The following DHX34 variants were observed in gnomAD, a reference collection of about 807,000 sequenced individuals.
DHX34 encodes the protein DExH-box helicase 34, also known as probable ATP-dependent RNA helicase DHX34.
A neutral mutation model predicts 111.1 loss-of-function variants in DHX34; 96 were observed. That is an observed-to-expected ratio of 0.86 (90% CI 0.73 to 1.02). The LOEUF (loss-of-function observed/expected upper bound fraction) is 1.02, where lower values mean the gene tolerates loss of function less well. Among genes scored for constraint, DHX34 ranks in the 50% least tolerant of loss-of-function variants. DHX34 has a pLI of 0.00. For missense variants in DHX34, 1,560 were observed against 1,579.9 expected (o/e 0.99, Z 0.21); for synonymous variants, 688 against 670.4 (o/e 1.03, Z -0.41).
At position 47,376,091 on chromosome 19, in the gene DHX34, A is replaced by C; in HGVS notation, c.2475A>C (p.Ser825=). 6.4e-7 allele frequency: 1 copy of C among 1,559,704 alleles called. No homozygotes were observed. The highest frequency in any genetic ancestry group is 8.7e-7 in the Non-Finnish European group (1 of 1,154,524). The part of the protein sequence containing the change: ...PDAFNSSRKD[S]DQIFHTQAKQ... ...CCTTCAACAGCAGCCGAAAGGACTC[A>C]GACCAGGTGGGGCCTGTTCTGCCCC... Residue 825 remains serine, a synonymous_variant, in exon 11 of 17, where the codon TCA becomes TCC. Transcript: ENST00000328771.
At chr19:47,379,095 T>C (rs1005718866) in intron 13 of DHX34, among the ~76,000 whole-genome samples, 8 of 151,442 alleles carry the variant, frequency 5.3e-5, no homozygotes, top group East Asian at 3.9e-4. Context: ...CGCCATTGCA[T>C]TCCAGCCTGG....
intron 5 of DHX34, among the ~76,000 whole-genome samples, chr19:47,361,545 G>A (rs1187394300): frequency 4.6e-5 from 7 of 151,972 alleles, no homozygotes; most frequent in African/African-American, 1.4e-4. Context: ...TTGGGAGGCT[G>A]AGGCAGGTGG....
At chr19:47,371,709 T>C (rs2547384) in intron 7 of DHX34, among the ~76,000 whole-genome samples, 56,723 of 151,972 alleles carry the variant, frequency 0.37, 14,871 homozygotes, top group African/African-American at 0.73. Flanking sequence ...AAGTGATTCT[T>C]CTGCCTCAGC....
intron 13 of DHX34, among the ~76,000 whole-genome samples, chr19:47,378,543 T>G (rs187270616): frequency 3.1e-4 from 47 of 152,246 alleles, no homozygotes; most frequent in Admixed American, 2.7e-3. Context: ...CTGGACTGCT[T>G]GTTGAGAGAA....
Position 47,380,971 on chromosome 19 carries a change from C to T in DHX34, c.3138C>T (p.Phe1046=). The T allele has an allele frequency of 6.3e-7, 1 of 1,588,592 alleles. No homozygotes were observed. The highest frequency in any genetic ancestry group is 1.1e-5 in the South Asian group (1 of 87,354). Reference sequence around the variant, plus strand: ...AGGGGGGCTACGCAGTCACTGACTTCCTCACCTACAACTGCCTCACGGTAA... The same window carrying T: ...AGGGGGGCTACGCAGTCACTGACTTTCTCACCTACAACTGCCTCACGGTAA... The part of the protein sequence containing the change: ...PTKGGYAVTD[F]LTYNCLTNDT... The change falls in exon 15 of 17, where the codon TTC becomes TTT. Residue 1046 remains phenylalanine, a synonymous_variant. Transcript: ENST00000328771.
intron 5 of DHX34, among the ~76,000 whole-genome samples, chr19:47,362,048 C>T (rs113169619): frequency 0.02 from 3,075 of 151,798 alleles, 44 homozygotes; most frequent in Middle Eastern, 0.038. Context: ...ACTTTGGGAG[C>T]CTGAGGCAGG....
chr19:47,373,511 C>T (rs1352076844), intron 8 of DHX34, 88 bp from the exon 9 acceptor site: 14 of 1,519,660 alleles, frequency 9.2e-6, no homozygotes, highest in African/African-American at 1.4e-5. Context: ...CTGAGGGATG[C>T]CCATTTTGGG....
rs1274973153 is a variant in DHX34 at position 47,374,953 on chromosome 19, CGGGGAGGGCAG to C, written c.2065-509_2065-499del. On this transcript the variant is annotated intron_variant, in intron 9 of 16. Transcript: ENST00000328771. ...GAGGAATGTTGACAAGATGTGGGCACGGGGAGGGCAGGGGTCTCAGATTTTATGGGTCACAG... is the reference window on the plus strand; with the variant it reads ...GAGGAATGTTGACAAGATGTGGGCACGGGTCTCAGATTTTATGGGTCACAG... Among the ~76,000 whole-genome samples, 3 of 152,208 alleles carry C rather than the reference CGGGGAGGGCAG, an allele frequency of 2.0e-5. No homozygotes were observed. The East Asian group carries it at 5.8e-4, about 29-fold the overall frequency.
intron 16 of DHX34, 91 bp downstream of exon 16, chr19:47,381,415 G>A: frequency 6.6e-7 from 1 of 1,517,836 alleles, no homozygotes; most frequent in Non-Finnish European, 8.9e-7. Flanking sequence ...ACTTGCTAGA[G>A]CTTCGAGGAC....
chr19:47,371,229 C>G (rs1323877938), intron 7 of DHX34, among the ~76,000 whole-genome samples: 1 of 152,326 alleles, frequency 6.6e-6, no homozygotes, highest in East Asian at 1.9e-4. Context: ...ATGCCTCACT[C>G]ACATTATCTC....
At chr19:47,371,252 G>GT (rs1450114425) in intron 7 of DHX34, among the ~76,000 whole-genome samples, 1 of 152,202 alleles carries the variant, frequency 6.6e-6, no homozygotes, top group Non-Finnish European at 1.5e-5. Context: ...TGAGGGCTGG[G>GT]GGCAGGTGCC....
At chr19:47,381,638 G>T in intron 16 of DHX34, 3 of 584,464 alleles carry the variant, frequency 5.1e-6, no homozygotes, top group Non-Finnish European at 8.8e-6. Context: ...CTCTGCCTTG[G>T]TCACCTCCAC....
rs375362886 is a variant in DHX34, at chr19:47,375,507, C to G, written c.2106C>G (p.Ala702=). Residue 702 remains alanine (A), a synonymous_variant, in exon 10 of 17, where the codon GCC becomes GCG. Coordinates refer to ENST00000328771, the MANE Select transcript of DHX34 (RefSeq NM_014681.6). ...EDHGLLAGAQ[A]AQVGDSYSRL... is the part of the protein sequence containing the mutation. Reference sequence around the variant, plus strand: ...ACGGGCTGCTGGCTGGGGCCCAGGCCGCGCAGGTAGGGGACAGCTACAGTC... The same window carrying G: ...ACGGGCTGCTGGCTGGGGCCCAGGCGGCGCAGGTAGGGGACAGCTACAGTC... 3.2e-6 allele frequency: 5 copies of G among 1,573,608 alleles called. No homozygotes were observed. The South Asian group carries it at 5.7e-5, about 18-fold the overall frequency.
intron 15 of DHX34, 67 bp downstream of exon 15, chr19:47,381,059 A>C (rs960121103): frequency 6.5e-7 from 1 of 1,545,508 alleles, no homozygotes. Context: ...GTTTCACCTT[A>C]GTCCAGGGAC....
chr19:47,360,671 TG>T lies in DHX34; in HGVS notation c.1375+602del, dbSNP rs1465528464. ...ATATGAGGGGGATTGACATTCTGTT[TG>T]TTGTTGTTGTTGTTGTTGTTGTTGT... On this transcript the variant is annotated intron_variant, in intron 5 of 16. Coordinates refer to ENST00000328771, the MANE Select transcript of DHX34 (RefSeq NM_014681.6). 8.0e-3 allele frequency among the ~76,000 whole-genome samples: 1,179 copies of T among 147,638 alleles called. 22 individuals carry two copies. The highest frequency in any genetic ancestry group is 0.028 in the African/African-American group (1,114 of 40,500).
At chr19:47,369,303 G>A (rs977955821) in intron 7 of DHX34, among the ~76,000 whole-genome samples, 30 of 152,148 alleles carry the variant, frequency 2.0e-4, no homozygotes, top group African/African-American at 7.0e-4. Context: ...CACTGCGCCC[G>A]GCCAATATTT....
chr19:47,380,016 T>C (rs910797384), intron 14 of DHX34, 31 bp downstream of exon 14: 8 of 1,549,930 alleles, frequency 5.2e-6, no homozygotes, highest in Non-Finnish European at 6.1e-6. Flanking sequence ...CGTGCCTCCC[T>C]ATGGCCAGAA....
At chr19:47,378,733 G>A (rs1568407857) in intron 13 of DHX34, among the ~76,000 whole-genome samples, 1 of 152,210 alleles carries the variant, frequency 6.6e-6, no homozygotes, top group African/African-American at 2.4e-5. Context: ...CTACTCGGGA[G>A]GCTGAGGCAG....
chr19:47,362,715 G>T, intron 6 of DHX34, 22 bp downstream of exon 6: 1 of 1,580,332 alleles, frequency 6.3e-7, no homozygotes, highest in Non-Finnish European at 8.6e-7. Context: ...GCAGAAAGGG[G>T]ACTATATCCT....
Sources: allele counts gnomAD v4.1 joint callset (sites outside exome capture counted in the v4.1 genomes callset), GRCh38; gene constraint gnomAD v4.1.1; transcripts MANE v1.5; gene names NCBI Gene and HGNC (gene_info 2026-07-23, HGNC 2026-07-21).